Variants in HIP1 observed in about 807,000 individuals in gnomAD.
HIP1 encodes the protein huntingtin-interacting protein 1.
A neutral mutation model predicts 147.6 loss-of-function variants in HIP1; 65 were observed. That is an observed-to-expected ratio of 0.44 (90% confidence interval 0.36 to 0.54). The LOEUF (loss-of-function observed/expected upper bound fraction) is 0.54, where lower values mean the gene tolerates loss of function less well. Ranked by LOEUF, HIP1 falls within the 20% of genes least tolerant of loss-of-function variation. HIP1 has a pLI of 0.00. For synonymous variants in HIP1, 479 were observed against 504.0 expected, an observed-to-expected ratio of 0.95 and a Z score of 0.67; for missense variants, 1,061 against 1,299.6, an observed-to-expected ratio of 0.82 and a Z score of 2.82.
In HIP1 at chr7:75,687,522, T is replaced by C. The variant is rs56995384; in HGVS notation, c.120+51279A>G. ...GCCTTGGCAACATGGCGAAACCCCA[T>C]CTCTACTAAGAATACAAAATTAGCC... On this transcript the variant is annotated intron_variant, in intron 1 of 30. Coordinates refer to ENST00000336926, the MANE Select transcript of HIP1 (RefSeq NM_005338.7). Among the ~76,000 whole-genome samples the C allele has an allele frequency of 9.9e-5, 15 of 152,216 alleles. No individual in the cohort carries two copies. The East Asian group carries it at 2.9e-3, about 29-fold the overall frequency.
chr7:75,681,531 G>T (rs1332743448), intron 1 of HIP1, among the ~76,000 whole-genome samples: 1 of 130,350 alleles, frequency 7.7e-6, no homozygotes, highest in African/African-American at 2.8e-5. Flanking sequence ...TTTTGAGACA[G>T]GGTCTTGCTC....
chr7:75,577,309 G>C (rs1264208034), intron 7 of HIP1, among the ~76,000 whole-genome samples: 1 of 137,500 alleles, frequency 7.3e-6, no homozygotes, highest in Non-Finnish European at 1.5e-5. Context: ...TCCAGCCTCG[G>C]CGACAGAGTG....
At chr7:75,583,664 A>G (rs1796139710) in intron 5 of HIP1, among the ~76,000 whole-genome samples, 1 of 151,390 alleles carries the variant, frequency 6.6e-6, no homozygotes, top group South Asian at 2.1e-4. Context: ...ATCATCACTC[A>G]CTGCAGCCTC....
At chr7:75,664,083 TATACACAC>T (rs1799443369) in intron 1 of HIP1, among the ~76,000 whole-genome samples, 1 of 111,906 alleles carries the variant, frequency 8.9e-6, no homozygotes, top group Non-Finnish European at 2.0e-5. Flanking sequence ...TACACACACA[TATACACAC>T]ATATGTGCAT....
chr7:75,668,132 C>T (rs1275709923), intron 1 of HIP1, among the ~76,000 whole-genome samples: 1 of 152,080 alleles, frequency 6.6e-6, no homozygotes, highest in African/African-American at 2.4e-5. Flanking sequence ...TTGAAGCTTT[C>T]AAGCCTGTGC....
At chr7:75,735,761 G>A (rs1423775963) in intron 1 of HIP1, among the ~76,000 whole-genome samples, 1 of 151,052 alleles carries the variant, frequency 6.6e-6, no homozygotes, top group East Asian at 1.9e-4. Flanking sequence ...CACAATCTTT[G>A]CTCACTGCAA....
intron 4 of HIP1, among the ~76,000 whole-genome samples, chr7:75,590,469 G>A (rs1796463897): frequency 6.6e-6 from 1 of 152,066 alleles, no homozygotes; most frequent in Non-Finnish European, 1.5e-5. Context: ...AGAAGGCAAG[G>A]AATGAGAGAA....
In HIP1 at chr7:75,606,381, A is replaced by G. The variant is rs145428027; in HGVS notation, c.121-7134T>C. 2.4e-3 allele frequency among the ~76,000 whole-genome samples: 358 copies of G among 152,200 alleles called. 5 individuals are homozygous for G. The highest frequency in any genetic ancestry group is 7.2e-3 in the African/African-American group (300 of 41,544). The stretch of plus-strand genomic sequence containing the variant: ...GATCACCTGAGACCAGGAGTTCAAG[A>G]CCAGCCTAGCCAACATGGTGAAACC... On this transcript the variant is annotated intron_variant, in intron 1 of 30. Transcript: ENST00000336926.
chr7:75,556,694 A>T lies in HIP1; in HGVS notation c.1683+16T>A. 1.3e-6 allele frequency: 2 copies of T among 1,532,552 alleles called. No individual in the cohort carries two copies. The highest frequency in any genetic ancestry group is 1.8e-6 in the Non-Finnish European group (2 of 1,109,470). 94.9% of individuals were successfully genotyped at this position (1,532,552 alleles called of 1,614,324 possible). On this transcript the variant is annotated intron_variant, in intron 17 of 30. Transcript: ENST00000336926. ...GAAGAAGACTCTATCTCCAAAAAAAAAAAGGAGGTATTTACCTGGGCAGAA... is the reference window on the plus strand; with the variant it reads ...GAAGAAGACTCTATCTCCAAAAAAATAAAGGAGGTATTTACCTGGGCAGAA...
intron 1 of HIP1, among the ~76,000 whole-genome samples, chr7:75,617,327 C>T (rs1222103774): frequency 6.6e-6 from 1 of 152,122 alleles, no homozygotes; most frequent in Non-Finnish European, 1.5e-5. Flanking sequence ...GATCCTCCTG[C>T]CTCGGCTTCC....
intron 1 of HIP1, among the ~76,000 whole-genome samples, chr7:75,615,837 G>A (rs987874664): frequency 2.6e-5 from 4 of 151,768 alleles, no homozygotes; most frequent in Admixed American, 6.6e-5. Flanking sequence ...TGTAGTCCCA[G>A]CACTTTGGGA....
At chr7:75,719,453 G>A (rs2117374514) in intron 1 of HIP1, among the ~76,000 whole-genome samples, 1 of 150,588 alleles carries the variant, frequency 6.6e-6, no homozygotes, top group East Asian at 2.0e-4. Context: ...GTAGTGAACC[G>A]AGATCATGCC....
chr7:75,707,892 G>A (rs1291196793), intron 1 of HIP1, among the ~76,000 whole-genome samples: 2 of 130,218 alleles, frequency 1.5e-5, no homozygotes, highest in African/African-American at 6.1e-5. Flanking sequence ...AAACTGGCTA[G>A]CCATATGTAG....
chr7:75,545,073 C>T lies in HIP1; in HGVS notation c.2660+15G>A, dbSNP rs781806670. 6.7e-7 allele frequency: 1 copy of T among 1,496,634 alleles called. No homozygotes were observed. The highest frequency in any genetic ancestry group is 1.2e-5 in the South Asian group (1 of 86,394). The allele number at this position is 1,496,634 out of a possible 1,614,324, so 92.7% of individuals were successfully genotyped here. A position where few individuals can be genotyped will look rare whatever the true frequency, so the allele number is the denominator to read the frequency against. Reference sequence around the variant, plus strand: ...AGGGGTCATGGGAGGACCCTTGGTACCAATAGATACTTACACCATGACAGT... The same window carrying T: ...AGGGGTCATGGGAGGACCCTTGGTATCAATAGATACTTACACCATGACAGT... On this transcript the variant is annotated intron_variant, in intron 26 of 30. Transcript: ENST00000336926.
intron 1 of HIP1, among the ~76,000 whole-genome samples, chr7:75,615,512 A>T (rs1356518487): frequency 6.6e-6 from 1 of 151,524 alleles, no homozygotes; most frequent in Non-Finnish European, 1.5e-5. Flanking sequence ...TGACTGTGCC[A>T]CTGCACTCTA....
chr7:75,727,086 C>T (rs1352008004), intron 1 of HIP1, among the ~76,000 whole-genome samples: 1 of 151,878 alleles, frequency 6.6e-6, no homozygotes, highest in Non-Finnish European at 1.5e-5. Flanking sequence ...GTATCTCCTG[C>T]TTATTTTTTT....
intron 16 of HIP1, 75 bp from the exon 17 acceptor site, chr7:75,556,886 C>T (rs1795025909): frequency 3.3e-6 from 3 of 906,200 alleles, no homozygotes; most frequent in Non-Finnish European, 5.4e-6. Flanking sequence ...AAAAACGTCC[C>T]AAGCGATCAA....
intron 2 of HIP1, among the ~76,000 whole-genome samples, chr7:75,593,452 G>A (rs942696439): frequency 2.0e-5 from 3 of 151,874 alleles, no homozygotes; most frequent in African/African-American, 7.3e-5. Context: ...CCAACACGGC[G>A]AAACTCCATC....
intron 1 of HIP1, among the ~76,000 whole-genome samples, chr7:75,621,284 C>T (rs1797838745): frequency 6.6e-6 from 1 of 151,206 alleles, no homozygotes. Flanking sequence ...AGCAGAAGCC[C>T]AGCTGGCAGG....
Sources: allele counts gnomAD v4.1 joint callset (sites outside exome capture counted in the v4.1 genomes callset), GRCh38; gene constraint gnomAD v4.1.1; transcripts MANE v1.5; gene names NCBI Gene and HGNC (gene_info 2026-07-23, HGNC 2026-07-21).